Variants in PARP4 observed in about 807,000 individuals in gnomAD.
PARP4 encodes the protein poly(ADP-ribose) polymerase family member 4.
In PARP4, 120 loss-of-function variants were observed where a neutral mutation model predicts 187.7. That is an observed-to-expected ratio of 0.64 (90% CI 0.55 to 0.74). PARP4 has a LOEUF of 0.74. Ranked by LOEUF, PARP4 falls within the 30% of genes least tolerant of loss-of-function variation. The probability of loss-of-function intolerance (pLI) is 0.00; values close to 1 mark genes in which losing one functional copy is unlikely to be tolerated. For synonymous variants in PARP4, 654 were observed against 740.9 expected (o/e 0.88, Z 1.90); for missense variants, 1,836 against 2,070.5 (o/e 0.89, Z 2.20).
chr13:24,506,837 G>C (rs1869716193), intron 1 of PARP4, among the ~76,000 whole-genome samples: 1 of 152,214 alleles, frequency 6.6e-6, no homozygotes, highest in African/African-American at 2.4e-5. Context: ...CAGCCCTTGG[G>C]TGGTCGATGG....
intron 16 of PARP4, 70 bp downstream of exon 16, chr13:24,469,824 A>G (rs1872654057): frequency 9.7e-6 from 15 of 1,547,440 alleles, no homozygotes; most frequent in Non-Finnish European, 1.3e-5. Context: ...GACTCCAAAA[A>G]CAAAGGTTCT....
intron 23 of PARP4, 72 bp from the exon 24 acceptor site, chr13:24,452,665 C>T: frequency 2.5e-6 from 3 of 1,214,200 alleles, no homozygotes; most frequent in South Asian, 1.4e-5. Flanking sequence ...ATCATTGACA[C>T]ATCTAAGGAC....
chr13:24,484,652 C>A lies in PARP4; in HGVS notation c.1448+1G>T. 6.2e-7 allele frequency: 1 copy of A among 1,600,204 alleles called. No homozygotes were observed. The highest frequency in any genetic ancestry group is 8.6e-7 in the Non-Finnish European group (1 of 1,167,254). On this transcript the variant is annotated splice_donor_variant, in intron 12 of 33. Transcript: ENST00000381989. LOFTEE classifies it high-confidence loss of function. ...ATTCTGTGATTAAGGATCGAACATACCTGAGCGAATCACTGAAATAAATCC... is the reference window on the plus strand; with the variant it reads ...ATTCTGTGATTAAGGATCGAACATAACTGAGCGAATCACTGAAATAAATCC...
chr13:24,433,066 T>C (rs1321883635), intron 31 of PARP4, among the ~76,000 whole-genome samples: 1 of 152,050 alleles, frequency 6.6e-6, no homozygotes, highest in East Asian at 1.9e-4. Context: ...AAAAGCTGAG[T>C]GTTGGGAGGG....
intron 32 of PARP4, among the ~76,000 whole-genome samples, chr13:24,427,595 T>C (rs965069014): frequency 3.3e-5 from 5 of 152,318 alleles, no homozygotes; most frequent in Middle Eastern, 3.4e-3. Context: ...ATTAAGAATA[T>C]ACAATTACTT....
Position 24,492,431 on chromosome 13 carries a change from T to C in PARP4, c.1043A>G (p.Asp348Gly), listed in dbSNP as rs1193592326. Reference sequence around the variant, plus strand: ...ATTTCAGAGGTTTACCTGGCAGAGGTCTGCTTTCTTAGCCAATAGTCCCAG... The same window carrying C: ...ATTTCAGAGGTTTACCTGGCAGAGGCCTGCTTTCTTAGCCAATAGTCCCAG... ...VNLGLLAKKA[D>G]LCQLIRDMVN... The change falls in exon 9 of 34, where the codon GAC becomes GGC. Residue 348 changes from aspartate to glycine, a missense_variant. Asp to Gly is a moderately conservative substitution (Grantham distance 94, BLOSUM62 -1). Around this residue, in one of 8 missense-constraint regions of PARP4, gnomAD observed 1,147 missense variants for 1,214.2 expected, o/e 0.94. Coordinates refer to ENST00000381989, the MANE Select transcript of PARP4 (RefSeq NM_006437.4). 6.2e-7 allele frequency: 1 copy of C among 1,612,494 alleles called. No homozygotes were observed. The highest frequency in any genetic ancestry group is 1.7e-5 in the Admixed American group (1 of 59,818).
At chr13:24,480,975 C>T (rs907225913) in intron 12 of PARP4, among the ~76,000 whole-genome samples, 4 of 152,212 alleles carry the variant, frequency 2.6e-5, no homozygotes, top group Non-Finnish European at 5.9e-5. Flanking sequence ...CTTCCACAGC[C>T]GGAGAGAAGT....
intron 20 of PARP4, among the ~76,000 whole-genome samples, chr13:24,458,676 GAA>G (rs1204058681): frequency 1.3e-5 from 2 of 152,154 alleles, no homozygotes; most frequent in African/African-American, 4.8e-5. Flanking sequence ...TGACTATTGT[GAA>G]ACAGGTCTTT....
At chr13:24,472,874 C>G (rs1301690551) in intron 15 of PARP4, among the ~76,000 whole-genome samples, 1 of 147,742 alleles carries the variant, frequency 6.8e-6, no homozygotes, top group Non-Finnish European at 1.5e-5. Flanking sequence ...TTTTCTCCTT[C>G]TCTTTCAACA....
chr13:24,450,111 C>A (rs1271344088), intron 24 of PARP4, among the ~76,000 whole-genome samples: 2 of 152,094 alleles, frequency 1.3e-5, no homozygotes, highest in African/African-American at 4.8e-5. Flanking sequence ...AAAAACAACC[C>A]TATAAGGTAT....
At chr13:24,482,543 T>C (rs185070339) in intron 12 of PARP4, among the ~76,000 whole-genome samples, 10 of 152,300 alleles carry the variant, frequency 6.6e-5, no homozygotes, top group South Asian at 6.2e-4. Context: ...TCAGCAGCCA[T>C]AGACATTGAC....
At chr13:24,479,193 G>A (rs7322329) in intron 12 of PARP4, among the ~76,000 whole-genome samples, 76,920 of 151,558 alleles carry the variant, frequency 0.51, 19,776 homozygotes, top group South Asian at 0.64. Flanking sequence ...ACGCATGTCT[G>A]TTTTTTAAAG....
In PARP4 at chr13:24,503,915, T is replaced by G. The variant is rs1250092215; in HGVS notation, c.-1-138A>C. 29 of 699,424 alleles carry G rather than the reference T, an allele frequency of 4.1e-5. No homozygotes were observed. The South Asian group carries it at 4.4e-4, about 11-fold the overall frequency. The allele number at this position is 699,424 out of a possible 1,614,324, so 43.3% of individuals were successfully genotyped here. A position where few individuals can be genotyped will look rare whatever the true frequency, so the allele number is the denominator to read the frequency against. On this transcript the variant is annotated intron_variant, in intron 1 of 33. Transcript: ENST00000381989. The stretch of plus-strand genomic sequence containing the variant: ...TGCAATCATGTTATCAATAGAACAT[T>G]GCAAAAATTGAATAATATCCTAGCT...
At chr13:24,431,523 T>C (rs1870334131) in intron 31 of PARP4, 47 bp from the exon 32 acceptor site, 2 of 1,250,394 alleles carry the variant, frequency 1.6e-6, no homozygotes, top group Non-Finnish European at 2.3e-6. Flanking sequence ...TCACATTTTA[T>C]CACATAAGAA....
intron 33 of PARP4, among the ~76,000 whole-genome samples, chr13:24,424,498 T>C (rs1487128409): frequency 6.6e-6 from 1 of 152,212 alleles, no homozygotes; most frequent in African/African-American, 2.4e-5. Flanking sequence ...TCAAGGGGTT[T>C]TGTTTAACTT....
At chr13:24,423,373 TC>T (rs1244854703) in intron 33 of PARP4, among the ~76,000 whole-genome samples, 5 of 151,972 alleles carry the variant, frequency 3.3e-5, no homozygotes, top group African/African-American at 4.8e-5. Flanking sequence ...AAACCTCATC[TC>T]TACCACAAAT....
rs1870539571 is a variant in PARP4, at chr13:24,434,940, A to G, written c.4201T>C (p.Phe1401Leu). Reference sequence around the variant, plus strand: ...GCAGAGCTTAATGAGCTCCCTGAAAAAACAATGCCACAATAGGGTGAAGAA... The same window carrying G: ...GCAGAGCTTAATGAGCTCCCTGAAAGAACAATGCCACAATAGGGTGAAGAA... ...PPSSPYCGIV[F>L]SGSSLSSAQS... The change falls in exon 31 of 34, where the codon TTT becomes CTT. Residue 1401 changes from phenylalanine to leucine, a missense_variant. By Grantham distance (22) the Phe-to-Leu change is conservative. Around this residue, in one of 8 missense-constraint regions of PARP4, gnomAD observed 450 missense variants for 439.2 expected, o/e 1.02. Coordinates refer to ENST00000381989, the MANE Select transcript of PARP4 (RefSeq NM_006437.4). The G allele has an allele frequency of 6.2e-6, 10 of 1,613,884 alleles. 1 individual carries two copies. The highest frequency in any genetic ancestry group is 6.8e-6 in the Non-Finnish European group (8 of 1,179,944).
At chr13:24,461,856 G>A (rs921782869) in intron 17 of PARP4, among the ~76,000 whole-genome samples, 11 of 152,154 alleles carry the variant, frequency 7.2e-5, no homozygotes, top group African/African-American at 2.4e-4. Context: ...TTCTAGCCCT[G>A]TGCCCAGGTA....
chr13:24,437,861 A>AAAAAAAAAAAAAAT, intron 30 of PARP4, among the ~76,000 whole-genome samples: 1 of 151,636 alleles, frequency 6.6e-6, no homozygotes, highest in Non-Finnish European at 1.5e-5. Flanking sequence ...AAAAAAAAAA[A>AAAAAAAAAAAAAAT]GAATCATACT....
Sources: allele counts gnomAD v4.1 joint callset (sites outside exome capture counted in the v4.1 genomes callset), GRCh38; gene constraint gnomAD v4.1.1; regional missense constraint gnomAD v4.1.1; transcripts MANE v1.5; gene names NCBI Gene and HGNC (gene_info 2026-07-23, HGNC 2026-07-21).